TMEM123: variants seen among roughly 807,000 people sequenced by gnomAD.
TMEM123 encodes transmembrane protein 123, also known as porimin.
Under a neutral mutation model 19.7 loss-of-function variants are expected in TMEM123, and 16 were observed. The ratio of observed to expected loss-of-function variants is 0.81; its 90% CI spans 0.55 to 1.23. TMEM123 has a LOEUF of 1.23. Among genes scored for constraint, TMEM123 ranks in the 50% most tolerant of loss-of-function variants. TMEM123 has a pLI of 0.00. For synonymous variants in TMEM123, 118 were observed against 99.4 expected, an observed-to-expected ratio of 1.19 and a Z score of -1.12; for missense variants, 313 against 257.8, an observed-to-expected ratio of 1.21 and a Z score of -1.47.
chr11:102,408,318 A>G (rs961698430), intron 2 of TMEM123, among the ~76,000 whole-genome samples: 2 of 152,176 alleles, frequency 1.3e-5, no homozygotes, highest in Non-Finnish European at 2.9e-5. Context: ...CAGCCCAATC[A>G]GTTCTTCATT....
intron 1 of TMEM123, among the ~76,000 whole-genome samples, chr11:102,450,094 A>T (rs1591569925): frequency 6.6e-6 from 1 of 152,044 alleles, no homozygotes; most frequent in East Asian, 1.9e-4. Context: ...ATCCATCAGC[A>T]AGTGATTAGT....
At chr11:102,412,752 G>A (rs1002327603) in intron 2 of TMEM123, among the ~76,000 whole-genome samples, 43 of 152,118 alleles carry the variant, frequency 2.8e-4, no homozygotes, top group African/African-American at 8.9e-4. Context: ...AACAAAATAC[G>A]ATAGACCTGA....
intron 4 of TMEM123, among the ~76,000 whole-genome samples, chr11:102,401,238 C>A (rs189516160): frequency 6.6e-6 from 1 of 152,126 alleles, no homozygotes; most frequent in East Asian, 1.9e-4. Context: ...GTATTTCTTA[C>A]GATTATTGGT....
rs1185933410 is a variant in TMEM123, at chr11:102,402,074, G to GT, written c.289dup (p.Thr97AsnfsTer43). The GT allele has an allele frequency of 6.2e-7, 1 of 1,613,990 alleles. No homozygotes were observed. Among genetic ancestry groups the GT allele is most frequent in the Non-Finnish European group, 8.5e-7 (1 of 1,180,024 alleles). ...TGTTGAGACCATCCCTGGTGTTGTT[G>GT]TATTAGATGCCGCTGTAGGTTTCAT... On this transcript the variant is annotated frameshift_variant, in exon 3 of 5. Coordinates refer to ENST00000398136, the MANE Select transcript of TMEM123 (RefSeq NM_052932.3). LOFTEE classifies it high-confidence loss of function.
intron 1 of TMEM123, chr11:102,449,229 C>G: frequency 4.5e-6 from 1 of 222,556 alleles, no homozygotes; most frequent in South Asian, 6.7e-5. Flanking sequence ...TGGAGTGGAC[C>G]ATTTCAGGAG....
chr11:102,404,470 G>A (rs1338993650), intron 2 of TMEM123, among the ~76,000 whole-genome samples: 1 of 151,978 alleles, frequency 6.6e-6, no homozygotes, highest in Non-Finnish European at 1.5e-5. Flanking sequence ...TTTTAGTAGA[G>A]ACAGCGCTTC....
rs1951917817 is a variant in TMEM123 at position 102,402,030 on chromosome 11, A to C, written c.334T>G (p.Leu112Val). Residue 112 changes from leucine to valine, a missense_variant, in exon 3 of 5, where the codon TTA becomes GTA. By Grantham distance (32) the Leu-to-Val change is conservative (BLOSUM62 1). Transcript: ENST00000398136. The part of the protein sequence containing the change: ...MVSTNMTSTT[L>V]KSTPKTTSVS... ...CTTGTTGTTTTGGGTGTAGACTTTA[A>C]GGTGGTAGAAGTCATATTTGTTGAG... 6.2e-7 allele frequency: 1 copy of C among 1,613,832 alleles called. No homozygotes were observed. Among genetic ancestry groups the C allele is most frequent in the African/African-American group, 1.3e-5 (1 of 74,910 alleles).
chr11:102,406,972 G>C (rs962376253), intron 2 of TMEM123, among the ~76,000 whole-genome samples: 2 of 152,018 alleles, frequency 1.3e-5, no homozygotes, highest in Admixed American at 6.6e-5. Flanking sequence ...AGCTGGAGGA[G>C]AGGCCCACTG....
At chr11:102,413,448 G>A (rs748650567) in intron 2 of TMEM123, among the ~76,000 whole-genome samples, 7 of 152,226 alleles carry the variant, frequency 4.6e-5, no homozygotes, top group African/African-American at 9.6e-5. Flanking sequence ...TGCTGCCACC[G>A]TCCTGGCAAA....
At chr11:102,417,912 T>C (rs1952054377) in intron 2 of TMEM123, among the ~76,000 whole-genome samples, 1 of 151,902 alleles carries the variant, frequency 6.6e-6, no homozygotes, top group South Asian at 2.1e-4. Flanking sequence ...CCCTATTCAA[T>C]AAATGGTACT....
At chr11:102,446,595 G>A (rs1326375043) in intron 2 of TMEM123, among the ~76,000 whole-genome samples, 1 of 152,212 alleles carries the variant, frequency 6.6e-6, no homozygotes, top group Non-Finnish European at 1.5e-5. Flanking sequence ...CCACAATTGA[G>A]TTCAACCAAC....
intron 2 of TMEM123, among the ~76,000 whole-genome samples, chr11:102,408,471 A>G (rs1951974745): frequency 1.3e-5 from 2 of 152,138 alleles, no homozygotes; most frequent in African/African-American, 4.8e-5. Context: ...CAGCTCAGCA[A>G]TTTACTTGCT....
chr11:102,399,696 A>G (rs563440524), intron 4 of TMEM123, among the ~76,000 whole-genome samples: 40 of 152,320 alleles, frequency 2.6e-4, no homozygotes, highest in African/African-American at 8.9e-4. Context: ...AAGGCCAGAT[A>G]TGGTGGCTCA....
chr11:102,398,725 T>A lies in TMEM123; in HGVS notation c.*142A>T. 1.3e-6 allele frequency: 1 copy of A among 785,550 alleles called. No individual in the cohort carries two copies. Among genetic ancestry groups the A allele is most frequent in the Non-Finnish European group, 2.0e-6 (1 of 498,488 alleles). The allele number at this position is 785,550 out of a possible 1,614,324, so 48.7% of individuals were successfully genotyped here. On this transcript the variant is annotated 3_prime_UTR_variant, in exon 5 of 5. Transcript: ENST00000398136. ...TGTTACCTTGAAGAATCTTTACATA[T>A]TTACGTAATACACTGTACATTATAT...
intron 1 of TMEM123, chr11:102,449,143 T>A: frequency 3.1e-6 from 1 of 324,224 alleles, no homozygotes; most frequent in Middle Eastern, 1.1e-3. Flanking sequence ...TGCAACAGCT[T>A]TGCCAAAATT....
At chr11:102,421,329 G>C (rs541240598) in intron 2 of TMEM123, among the ~76,000 whole-genome samples, 1 of 152,204 alleles carries the variant, frequency 6.6e-6, no homozygotes, top group Non-Finnish European at 1.5e-5. Flanking sequence ...AACACATCTG[G>C]AATATTTTGA....
In TMEM123 at chr11:102,452,538, C is replaced by G. The variant is rs1402482476; in HGVS notation, c.86G>C (p.Ser29Thr). 4 of 1,557,184 alleles carry G rather than the reference C, an allele frequency of 2.6e-6. No homozygotes were observed. The highest frequency in any genetic ancestry group is 3.5e-6 in the Non-Finnish European group (4 of 1,155,620). The part of the protein sequence containing the change: ...VLALLGAAHE[S>T]AAMAASANIE... ...CAGCCACTTACCCGCCATGGCTGCG[C>G]TTTCATGGGCGGCCCCCAGCAGCGC... The change falls in exon 1 of 5, where the codon AGC becomes ACC. Residue 29 changes from serine to threonine, a missense_variant. Physicochemically the swap from Ser to Thr is moderately conservative, Grantham distance 58. Coordinates refer to ENST00000398136, the MANE Select transcript of TMEM123 (RefSeq NM_052932.3).
chr11:102,433,862 T>G (rs1857736638), intron 2 of TMEM123, among the ~76,000 whole-genome samples: 2 of 151,872 alleles, frequency 1.3e-5, no homozygotes, highest in South Asian at 4.2e-4. Context: ...GCACTCATTC[T>G]CTCTCCTGCC....
At chr11:102,405,579 A>ATT (rs1951948834) in intron 2 of TMEM123, among the ~76,000 whole-genome samples, 1 of 152,208 alleles carries the variant, frequency 6.6e-6, no homozygotes, top group African/African-American at 2.4e-5. Context: ...TTGCAATGAA[A>ATT]TTAAATACAG....
Sources: gnomAD v4.1 joint callset for allele counts (sites outside exome capture counted in the v4.1 genomes callset) on GRCh38, gnomAD v4.1.1 for gene constraint, MANE v1.5 for transcripts, NCBI Gene and HGNC (gene_info 2026-07-23, HGNC 2026-07-21) for gene names.